The following ZNF267 variants were observed in gnomAD, a reference collection of about 807,000 sequenced individuals.
ZNF267 encodes zinc finger protein 267, also known as zinc finger (C2H2).
Under a neutral mutation model 71.6 loss-of-function variants are expected in ZNF267, and 61 were observed. The observed-to-expected ratio is 0.85, with a 90% CI of 0.69 to 1.05. The LOEUF (loss-of-function observed/expected upper bound fraction) is 1.05, where lower values mean the gene tolerates loss of function less well. Ranked by LOEUF, ZNF267 falls within the 50% of genes least tolerant of loss-of-function variation. ZNF267 has a pLI of 0.00. For synonymous variants in ZNF267, 288 were observed against 293.2 expected (o/e 0.98, Z 0.18); for missense variants, 852 against 870.0 (o/e 0.98, Z 0.26).
At chr16:31,902,997 G>A (rs1336907464) in intron 3 of ZNF267, among the ~76,000 whole-genome samples, 11 of 152,202 alleles carry the variant, frequency 7.2e-5, no homozygotes, top group Non-Finnish European at 2.9e-5. Flanking sequence ...TTAGCATGAA[G>A]CGTTGTTGAA....
chr16:31,917,080 A>T lies in ZNF267; in HGVS notation c.*599A>T, dbSNP rs968778379. The T allele has an allele frequency of 6.6e-6, 1 of 152,346 alleles. No individual in the cohort carries two copies. Among genetic ancestry groups the T allele is most frequent in the African/African-American group, 2.4e-5 (1 of 41,452 alleles). The allele number at this position is 152,346 out of a possible 1,614,324, so 9.4% of individuals were successfully genotyped here. ...GGTTTTTGGAAAGCAAATATTATTT[A>T]TATAATTCAGCTTTCAAATCTGTTG... On this transcript the variant is annotated 3_prime_UTR_variant, in exon 4 of 4. Transcript: ENST00000300870.
In ZNF267 at chr16:31,916,520, A is replaced by G. The variant is rs2142366321; in HGVS notation, c.*39A>G. On this transcript the variant is annotated 3_prime_UTR_variant, in exon 4 of 4. Transcript: ENST00000300870. ...GGAGCAGATTTTTTACTTGTTACCCATGTCTTATTGTGCATCAGATAATTT... is the reference window on the plus strand; with the variant it reads ...GGAGCAGATTTTTTACTTGTTACCCGTGTCTTATTGTGCATCAGATAATTT... 3 of 1,563,726 alleles carry G rather than the reference A, an allele frequency of 1.9e-6. No homozygotes were observed. The highest frequency in any genetic ancestry group is 2.6e-6 in the Non-Finnish European group (3 of 1,152,202).
At position 31,894,901 on chromosome 16, in the gene ZNF267, A is replaced by G. The variant is rs912432170; in HGVS notation, c.226+9645A>G. ...TCTCTTTCATGACCAACCTCGTGTGATTTCCCCTGGGTTAGTGCCAGCATT... is the reference window on the plus strand; with the variant it reads ...TCTCTTTCATGACCAACCTCGTGTGGTTTCCCCTGGGTTAGTGCCAGCATT... On this transcript the variant is annotated intron_variant, in intron 3 of 3. Transcript: ENST00000300870. 3 of 383,784 alleles carry G rather than the reference A, an allele frequency of 7.8e-6. No homozygotes were observed. In the Admixed American group the frequency reaches 9.7e-5, roughly 12 times the overall value. 23.8% of individuals were successfully genotyped at this position (383,784 alleles called of 1,614,324 possible).
chr16:31,900,024 AATGT>A (rs2084026956), intron 3 of ZNF267, among the ~76,000 whole-genome samples: 1 of 151,874 alleles, frequency 6.6e-6, no homozygotes, highest in Non-Finnish European at 1.5e-5. Context: ...ACACACACAC[AATGT>A]GTTTATTTAT....
chr16:31,907,170 CAT>C (rs544404577), intron 3 of ZNF267, among the ~76,000 whole-genome samples: 3 of 152,090 alleles, frequency 2.0e-5, no homozygotes, highest in Non-Finnish European at 4.4e-5. Context: ...TATAATGTCT[CAT>C]GTGAGTCTCT....
chr16:31,904,801 C>G (rs561875800), intron 3 of ZNF267, among the ~76,000 whole-genome samples: 34 of 152,062 alleles, frequency 2.2e-4, no homozygotes, highest in East Asian at 9.7e-4. Context: ...GGTTAATATT[C>G]TTATGTGTGA....
rs760379990 is a variant in ZNF267 at position 31,916,504 on chromosome 16, T to G, written c.*23T>G. 7.6e-6 allele frequency: 12 copies of G among 1,586,488 alleles called. No individual in the cohort carries two copies. The highest frequency in any genetic ancestry group is 2.6e-6 in the Non-Finnish European group (3 of 1,166,138). On this transcript the variant is annotated 3_prime_UTR_variant, in exon 4 of 4. Transcript: ENST00000300870. ...TAAAAATGTAAAACATGGAGCAGAT[T>G]TTTTACTTGTTACCCATGTCTTATT... is the stretch of plus-strand genomic sequence containing the variant.
intron 3 of ZNF267, chr16:31,894,817 C>G: frequency 4.1e-6 from 2 of 486,448 alleles, no homozygotes; most frequent in Non-Finnish European, 8.2e-6. Flanking sequence ...ACATTGACTT[C>G]TTTAGTAAGT....
At chr16:31,900,114 A>G (rs548938153) in intron 3 of ZNF267, among the ~76,000 whole-genome samples, 1 of 152,042 alleles carries the variant, frequency 6.6e-6, no homozygotes, top group South Asian at 2.1e-4. Flanking sequence ...TTTGTATCCT[A>G]TATTTCCATG....
At chr16:31,880,688 A>G (rs929557859) in intron 1 of ZNF267, among the ~76,000 whole-genome samples, 4 of 152,156 alleles carry the variant, frequency 2.6e-5, no homozygotes, top group Admixed American at 2.6e-4. Context: ...TCAGAGGGAG[A>G]AGAATGAGTC....
rs1260770481 is a variant in ZNF267 at position 31,903,753 on chromosome 16, A to AT, written c.227-10717dup. 4.6e-5 allele frequency among the ~76,000 whole-genome samples: 7 copies of AT among 152,114 alleles called. No homozygotes were observed. The South Asian group carries it at 6.2e-4, about 14-fold the overall frequency. On this transcript the variant is annotated intron_variant, in intron 3 of 3. Coordinates refer to ENST00000300870, the MANE Select transcript of ZNF267 (RefSeq NM_003414.6). ...CAAAAACCAGCTCCTGGATTCATTG[A>AT]TTTTTTGAAGGGTTTTTTGTTTCTC...
intron 3 of ZNF267, among the ~76,000 whole-genome samples, chr16:31,904,873 T>C (rs190071406): frequency 1.7e-4 from 26 of 152,360 alleles, no homozygotes; most frequent in Admixed American, 5.9e-4. Flanking sequence ...GTAGTTTCTT[T>C]CTAGCCTTGA....
At chr16:31,904,144 G>C (rs1028564817) in intron 3 of ZNF267, among the ~76,000 whole-genome samples, 3 of 152,212 alleles carry the variant, frequency 2.0e-5, no homozygotes, top group African/African-American at 7.2e-5. Flanking sequence ...GCACTGTGGT[G>C]TGAGAGACAG....
Position 31,914,508 on chromosome 16 carries a change from A to G in ZNF267, c.259A>G (p.Thr87Ala). Reference protein sequence around the residue: ...VFSHYNKDLLTEHCTEASFQK... With the variant: ...VFSHYNKDLLAEHCTEASFQK... ...TTCGCATTATAACAAGGACCTGTTG[A>G]CAGAGCACTGCACAGAAGCTTCATT... Residue 87 changes from threonine (T) to alanine (A), a missense_variant, in exon 4 of 4, where the codon ACA becomes GCA. By Grantham distance (58) the Thr-to-Ala change is moderately conservative. Coordinates refer to ENST00000300870, the MANE Select transcript of ZNF267 (RefSeq NM_003414.6). The G allele has an allele frequency of 6.2e-7, 1 of 1,608,450 alleles. No individual in the cohort carries two copies. The highest frequency in any genetic ancestry group is 8.5e-7 in the Non-Finnish European group (1 of 1,178,100).
At chr16:31,912,790 A>G (rs1435957588) in intron 3 of ZNF267, 1 of 151,630 alleles carries the variant, frequency 6.6e-6, no homozygotes, top group Non-Finnish European at 1.5e-5. Context: ...CAGTTTTGCT[A>G]TTAAGAGACT....
chr16:31,878,666 T>C (rs1160724149), intron 1 of ZNF267, among the ~76,000 whole-genome samples: 1 of 152,228 alleles, frequency 6.6e-6, no homozygotes, highest in African/African-American at 2.4e-5. Context: ...GGCCAGTATC[T>C]GTAGCACAAA....
chr16:31,881,148 A>T (rs892166427), intron 1 of ZNF267, among the ~76,000 whole-genome samples: 2 of 152,228 alleles, frequency 1.3e-5, no homozygotes, highest in Non-Finnish European at 2.9e-5. Flanking sequence ...AAAGCCCTAC[A>T]TGTTTTGGTT....
rs151334129 is a variant in ZNF267 at position 31,907,360 on chromosome 16, C to G, written c.227-7116C>G. Among the ~76,000 whole-genome samples the G allele has an allele frequency of 3.8e-3, 576 of 151,976 alleles. 3 individuals are homozygous for G. Among genetic ancestry groups the G allele is most frequent in the Non-Finnish European group, 6.5e-3 (439 of 67,960 alleles). On this transcript the variant is annotated intron_variant, in intron 3 of 3. Transcript: ENST00000300870. ...CCATAGGTTTACTAGGCTCTTTTTT[C>G]CTTCATTTTTTAATCCTGTTTGCCT...
chr16:31,902,401 C>A (rs2084049220), intron 3 of ZNF267, among the ~76,000 whole-genome samples: 1 of 152,100 alleles, frequency 6.6e-6, no homozygotes, highest in Non-Finnish European at 1.5e-5. Context: ...GCCATTTTCA[C>A]AATATTGATT....
Sources: allele counts gnomAD v4.1 joint callset (sites outside exome capture counted in the v4.1 genomes callset), GRCh38; gene constraint gnomAD v4.1.1; transcripts MANE v1.5; gene names NCBI Gene and HGNC (gene_info 2026-07-23, HGNC 2026-07-21).